The following CYFIP2 variants were observed in gnomAD, a reference collection of about 807,000 sequenced individuals.
CYFIP2 encodes cytoplasmic FMR1 interacting protein 2.
Under a neutral mutation model 158.7 loss-of-function variants are expected in CYFIP2, and 29 were observed. The observed-to-expected ratio is 0.18, with a 90% CI of 0.14 to 0.25. CYFIP2 has a LOEUF of 0.25. Among genes scored for constraint, CYFIP2 ranks in the 10% least tolerant of loss-of-function variants. The pLI, the probability that CYFIP2 is intolerant of heterozygous loss-of-function variation, is 1.00. For missense variants in CYFIP2, 852 were observed against 1,639.5 expected (o/e 0.52, Z 8.29); for synonymous variants, 585 against 617.6 (o/e 0.95, Z 0.78).
At chr5:157,352,096 A>T (rs1763110298) in intron 23 of CYFIP2, among the ~76,000 whole-genome samples, 2 of 152,242 alleles carry the variant, frequency 1.3e-5, no homozygotes, top group African/African-American at 4.8e-5. Context: ...AAAGTAAATT[A>T]TATAGAGTCT....
chr5:157,383,921 A>G (rs1039246609), intron 28 of CYFIP2, among the ~76,000 whole-genome samples: 1 of 152,242 alleles, frequency 6.6e-6, no homozygotes, highest in Non-Finnish European at 1.5e-5. Context: ...GGCACAGTCA[A>G]TTGGATGAAG....
intron 26 of CYFIP2, among the ~76,000 whole-genome samples, chr5:157,367,036 GTTACTTCTTCTCTCCTTA>G (rs985386902): frequency 2.6e-5 from 4 of 152,136 alleles, no homozygotes; most frequent in African/African-American, 9.7e-5. Context: ...CTTCATCTCT[GTTACTTCTTCTCTCCTTA>G]TTAGAGTGGA....
chr5:157,345,435 C>G (rs1240494607), intron 23 of CYFIP2: 1 of 152,580 alleles, frequency 6.6e-6, no homozygotes, highest in Non-Finnish European at 1.5e-5. Context: ...GTTTCCGTTT[C>G]TAAATTCTCC....
At position 157,339,097 on chromosome 5, in the gene CYFIP2, G is replaced by A. The variant is rs770858656; in HGVS notation, c.2426G>A (p.Arg809Gln). The change falls in exon 22 of 31, where the codon CGG becomes CAG. Residue 809 changes from arginine (R) to glutamine (Q), a missense_variant. Transcript: ENST00000620254. Reference protein sequence around the residue: ...WLLEINRLTHRLLCKHMTLDS... With the variant: ...WLLEINRLTHQLLCKHMTLDS... Reference sequence around the variant, plus strand: ...CTGGAGATTAACCGGCTCACGCATCGGCTGCTCTGTAAGCATATGACGCTG... The same window carrying A: ...CTGGAGATTAACCGGCTCACGCATCAGCTGCTCTGTAAGCATATGACGCTG... 21 of 1,613,364 alleles carry A rather than the reference G, an allele frequency of 1.3e-5. No individual in the cohort carries two copies. The highest frequency in any genetic ancestry group is 4.5e-5 in the East Asian group (2 of 44,878).
chr5:157,360,343 G>A lies in CYFIP2; in HGVS notation c.2879G>A (p.Arg960His). ...ATAGAGGTGATGCCCAAGATATGCC[G>A]CTTGCCCCGACATGAGTATGGCTCC... is the stretch of plus-strand genomic sequence containing the variant. ...TLIEVMPKIC[R>H]LPRHEYGSPG... The change falls in exon 25 of 31, where the codon CGC (arginine) becomes CAC (histidine). Residue 960 changes from arginine (R) to histidine (H), a missense_variant. By Grantham distance (29) the Arg-to-His change is conservative. Coordinates refer to ENST00000620254, the MANE Select transcript of CYFIP2 (RefSeq NM_001037333.3). 6.2e-7 allele frequency: 1 copy of A among 1,613,740 alleles called. No individual in the cohort carries two copies. The highest frequency in any genetic ancestry group is 1.1e-5 in the South Asian group (1 of 91,068).
At chr5:157,344,574 G>A (rs35669629) in intron 23 of CYFIP2, among the ~76,000 whole-genome samples, 1 of 152,176 alleles carries the variant, frequency 6.6e-6, no homozygotes, top group African/African-American at 2.4e-5. Flanking sequence ...GCCCCGCTTT[G>A]ATAAGAGAGA....
At chr5:157,303,685 A>G (rs1328839325) in intron 7 of CYFIP2, among the ~76,000 whole-genome samples, 1 of 152,138 alleles carries the variant, frequency 6.6e-6, no homozygotes, top group Non-Finnish European at 1.5e-5. Context: ...AAGTACCAGC[A>G]GTGCCCTCCT....
intron 30 of CYFIP2, among the ~76,000 whole-genome samples, chr5:157,392,552 G>T (rs1401459512): frequency 6.6e-6 from 1 of 152,142 alleles, no homozygotes. Flanking sequence ...GTATTTCTGG[G>T]CTCTCTATTC....
intron 21 of CYFIP2, among the ~76,000 whole-genome samples, chr5:157,335,869 G>GA (rs890234757): frequency 3.3e-5 from 5 of 151,834 alleles, no homozygotes; most frequent in African/African-American, 7.2e-5. Flanking sequence ...TATCTTATGG[G>GA]AAAAAAAAGA....
intron 21 of CYFIP2, among the ~76,000 whole-genome samples, chr5:157,336,502 T>C (rs1399042441): frequency 1.3e-5 from 2 of 152,218 alleles, no homozygotes; most frequent in Non-Finnish European, 2.9e-5. Context: ...TGCCACAGCC[T>C]CAGTGGCAGG....
intron 26 of CYFIP2, among the ~76,000 whole-genome samples, chr5:157,367,030 ATC>A (rs1332702035): frequency 6.6e-6 from 1 of 152,148 alleles, no homozygotes; most frequent in Non-Finnish European, 1.5e-5. Context: ...CTTTGCCTTC[ATC>A]TCTGTTACTT....
At chr5:157,378,342 T>C (rs983667393) in intron 26 of CYFIP2, among the ~76,000 whole-genome samples, 2 of 152,350 alleles carry the variant, frequency 1.3e-5, no homozygotes, top group Middle Eastern at 6.8e-3. Context: ...TCAAACTGCA[T>C]ATATACCACA....
chr5:157,325,311 G>C (rs1049063688), intron 16 of CYFIP2, among the ~76,000 whole-genome samples, 171 bp from the exon 17 acceptor site: 2 of 152,138 alleles, frequency 1.3e-5, no homozygotes, highest in Non-Finnish European at 2.9e-5. Context: ...TTGAGAGGCA[G>C]TAGATGTTAG....
At chr5:157,364,074 A>G (rs1394678657) in intron 26 of CYFIP2, 3 of 151,962 alleles carry the variant, frequency 2.0e-5, no homozygotes, top group East Asian at 1.9e-4. Context: ...CAGCTAATTG[A>G]TAAGTTTTTT....
At chr5:157,363,797 C>T (rs1764076163) in intron 26 of CYFIP2, 2 of 152,210 alleles carry the variant, frequency 1.3e-5, no homozygotes, top group Admixed American at 6.5e-5. Context: ...GGAGAATAGA[C>T]GGGAGGGGAA....
intron 20 of CYFIP2, among the ~76,000 whole-genome samples, 155 bp downstream of exon 20, chr5:157,331,005 C>T (rs930678774): frequency 6.6e-6 from 1 of 152,150 alleles, no homozygotes; most frequent in Non-Finnish European, 1.5e-5. Flanking sequence ...CTCAGGATCT[C>T]ATAAACAATA....
rs1382845350 is a variant in CYFIP2, at chr5:157,358,909, G to A, written c.2674-96G>A. On this transcript the variant is annotated intron_variant, in intron 23 of 30. Transcript: ENST00000620254. Reference sequence around the variant, plus strand: ...TCCAGTGAGCACGCTCGTAACACTGGGTTCCTAATGCTTCTGTCAGCAGAA... The same window carrying A: ...TCCAGTGAGCACGCTCGTAACACTGAGTTCCTAATGCTTCTGTCAGCAGAA... The A allele has an allele frequency of 3.7e-5, 56 of 1,507,300 alleles. 1 individual carries two copies. The South Asian group carries it at 5.8e-4, about 16-fold the overall frequency. 93.4% of individuals were successfully genotyped at this position (1,507,300 alleles called of 1,614,324 possible).
chr5:157,374,893 C>T (rs1765318663), intron 26 of CYFIP2, among the ~76,000 whole-genome samples: 1 of 152,216 alleles, frequency 6.6e-6, no homozygotes, highest in South Asian at 2.1e-4. Flanking sequence ...GCTGATGCAT[C>T]AACTGCGTTG....
chr5:157,285,565 G>A (rs1757306882), intron 2 of CYFIP2, 87 bp downstream of exon 2: 3 of 1,182,596 alleles, frequency 2.5e-6, no homozygotes, highest in Non-Finnish European at 2.4e-6. Flanking sequence ...GGGAAGGGGA[G>A]GTCTGCATCT....
Sources: gnomAD v4.1 joint callset for allele counts (sites outside exome capture counted in the v4.1 genomes callset) on GRCh38, gnomAD v4.1.1 for gene constraint, MANE v1.5 for transcripts, NCBI Gene and HGNC (gene_info 2026-07-23, HGNC 2026-07-21) for gene names.